Variants in ADD3 observed in about 807,000 individuals in gnomAD.
The protein encoded by ADD3 is adducin 3.
In ADD3, 25 loss-of-function variants were observed where a neutral mutation model predicts 80.2. That is an observed-to-expected ratio of 0.31 (90% CI 0.23 to 0.44). ADD3 has a LOEUF of 0.44. Among genes scored for constraint, ADD3 ranks in the 20% least tolerant of loss-of-function variants. ADD3 has a pLI of 1.00. For missense variants in ADD3, 829 were observed against 847.5 expected (o/e 0.98, Z 0.27); for synonymous variants, 284 against 289.6 (o/e 0.98, Z 0.20).
At chr10:110,029,334 T>A (rs1854707801) in intron 1 of ADD3, among the ~76,000 whole-genome samples, 1 of 152,226 alleles carries the variant, frequency 6.6e-6, no homozygotes, top group African/African-American at 2.4e-5. Flanking sequence ...CATCTCTAAA[T>A]GGAAGAAAAC....
chr10:110,028,156 T>C (rs570461858), intron 1 of ADD3, among the ~76,000 whole-genome samples: 1 of 152,362 alleles, frequency 6.6e-6, no homozygotes, highest in East Asian at 1.9e-4. Flanking sequence ...TGGTACATAG[T>C]AGGTGCTTAG....
chr10:110,121,038 A>G (rs1851428406), intron 8 of ADD3, among the ~76,000 whole-genome samples: 1 of 152,080 alleles, frequency 6.6e-6, no homozygotes, highest in African/African-American at 2.4e-5. Context: ...ACCTAAAACC[A>G]TAAAAACCTT....
chr10:110,094,929 A>C (rs926911378), intron 1 of ADD3, among the ~76,000 whole-genome samples: 2 of 152,238 alleles, frequency 1.3e-5, no homozygotes, highest in African/African-American at 2.4e-5. Context: ...TTGAAAGTAC[A>C]GCCATCTCTT....
chr10:110,132,305 A>G lies in ADD3; in HGVS notation c.1733A>G (p.Asp578Gly). The G allele has an allele frequency of 1.2e-6, 2 of 1,611,286 alleles. No homozygotes were observed. Among genetic ancestry groups the G allele is most frequent in the East Asian group, 2.2e-5 (1 of 44,860 alleles). The change falls in exon 14 of 15, where the codon GAT becomes GGT. Residue 578 changes from aspartate (D) to glycine (G), a missense_variant and splice_region_variant. Asp to Gly is a moderately conservative substitution (Grantham distance 94). Coordinates refer to ENST00000356080, the MANE Select transcript of ADD3 (RefSeq NM_016824.5). ...TTTTAACTAAACTCTTATCCAACAG[A>G]TGCTGAGCAGGAATTACTCTCAGAT... The part of the protein sequence containing the change: ...TIERKQQGLE[D>G]AEQELLSDDA...
intron 1 of ADD3, among the ~76,000 whole-genome samples, chr10:110,055,690 G>T (rs902711174): frequency 6.6e-5 from 10 of 152,290 alleles, no homozygotes; most frequent in African/African-American, 2.4e-4. Flanking sequence ...TAGTAACTCT[G>T]TGTCCTTGAG....
chr10:110,126,264 G>T (rs1852142949), intron 11 of ADD3, among the ~76,000 whole-genome samples, 153 bp from the exon 12 acceptor site: 1 of 152,180 alleles, frequency 6.6e-6, no homozygotes, highest in Non-Finnish European at 1.5e-5. Context: ...AATATGAGTT[G>T]TTAGGATGGT....
At chr10:110,096,364 C>G (rs902666052) in intron 1 of ADD3, among the ~76,000 whole-genome samples, 1 of 152,184 alleles carries the variant, frequency 6.6e-6, no homozygotes, top group African/African-American at 2.4e-5. Context: ...AATAGCCTCC[C>G]CACTGCCTAG....
chr10:110,062,300 A>G (rs1859019512), intron 1 of ADD3, among the ~76,000 whole-genome samples: 1 of 150,250 alleles, frequency 6.7e-6, no homozygotes, highest in Admixed American at 6.6e-5. Flanking sequence ...AGGCTGAGGC[A>G]GGAGAATGGC....
chr10:110,120,855 G>A (rs1031263072), intron 8 of ADD3, among the ~76,000 whole-genome samples: 13 of 152,014 alleles, frequency 8.6e-5, no homozygotes, highest in African/African-American at 2.7e-4. Context: ...ACATACCTAC[G>A]ACTAGCTGAT....
At chr10:110,120,205 C>A (rs1474371558) in intron 8 of ADD3, among the ~76,000 whole-genome samples, 1 of 142,436 alleles carries the variant, frequency 7.0e-6, no homozygotes, top group Non-Finnish European at 1.5e-5. Context: ...GGTATATCTC[C>A]CAATGCTATC....
intron 1 of ADD3, among the ~76,000 whole-genome samples, chr10:110,081,191 ATAT>A (rs539151854): frequency 9.2e-5 from 14 of 152,290 alleles, no homozygotes; most frequent in South Asian, 8.3e-4. Context: ...ATAATCTGAG[ATAT>A]TATTATTATT....
intron 1 of ADD3, among the ~76,000 whole-genome samples, chr10:110,011,115 T>C (rs1214043764): frequency 6.7e-6 from 1 of 150,130 alleles, no homozygotes; most frequent in African/African-American, 2.5e-5. Flanking sequence ...TTACCAGATA[T>C]GTAGGGCCCC....
rs748599425 is a variant in ADD3, at chr10:110,117,375, A to G, written c.520A>G (p.Ile174Val). Residue 174 changes from isoleucine (I) to valine (V), a missense_variant, in exon 5 of 15, where the codon ATA becomes GTA. Transcript: ENST00000356080. ...RISKEQDHII[I>V]IPRGLSFSEA... ...AAGTAAGGAGCAAGACCACATTATA[A>G]TAATTCCCAGAGGCCTATCTTTTTC... 5 of 1,607,100 alleles carry G rather than the reference A, an allele frequency of 3.1e-6. No individual in the cohort carries two copies. The highest frequency in any genetic ancestry group is 3.4e-6 in the Non-Finnish European group (4 of 1,173,904).
At chr10:110,066,581 C>G (rs1414317191) in intron 1 of ADD3, among the ~76,000 whole-genome samples, 2 of 151,490 alleles carry the variant, frequency 1.3e-5, no homozygotes, top group African/African-American at 2.4e-5. Flanking sequence ...ATTTTTTTTT[C>G]TTTCTTTTTG....
intron 1 of ADD3, among the ~76,000 whole-genome samples, chr10:110,087,309 G>A (rs1198133003): frequency 6.6e-6 from 1 of 152,186 alleles, no homozygotes; most frequent in Non-Finnish European, 1.5e-5. Context: ...TGGGATTACA[G>A]GCATGAGCTA....
At position 110,134,318 on chromosome 10, in the gene ADD3, G is replaced by GT. The variant is rs1166479551; in HGVS notation, c.*703dup. The GT allele has an allele frequency of 7.7e-6, 1 of 129,916 alleles. No homozygotes were observed. The highest frequency in any genetic ancestry group is 1.5e-5 in the Non-Finnish European group (1 of 64,872). 8.0% of individuals were successfully genotyped at this position (129,916 alleles called of 1,614,324 possible). A position where few individuals can be genotyped will look rare whatever the true frequency, so the allele number is the denominator to read the frequency against. On this transcript the variant is annotated 3_prime_UTR_variant, in exon 15 of 15. Coordinates refer to ENST00000356080, the MANE Select transcript of ADD3 (RefSeq NM_016824.5). ...TTGTACACATAACATGGGTTATTTA[G>GT]TTTAACTCTGGCAAAAAAAAAAAAA...
intron 1 of ADD3, among the ~76,000 whole-genome samples, chr10:110,027,399 C>A (rs1235195782): frequency 6.6e-6 from 1 of 151,928 alleles, no homozygotes; most frequent in Non-Finnish European, 1.5e-5. Context: ...AAAATGTGAG[C>A]CATATATGTA....
At chr10:110,002,746 A>C (rs1328655900), upstream of ADD3, among the ~76,000 whole-genome samples, 2 of 152,262 alleles carry the variant, frequency 1.3e-5, no homozygotes, top group Admixed American at 6.5e-5. Flanking sequence ...CTTAAAAAAA[A>C]AGAGGACCCT....
intron 1 of ADD3, among the ~76,000 whole-genome samples, chr10:110,068,209 G>T (rs530503632): frequency 2.2e-4 from 34 of 151,882 alleles, no homozygotes; most frequent in African/African-American, 7.7e-4. Flanking sequence ...TCCTTTTCCC[G>T]CTTCCACCGA....
Sources: allele counts gnomAD v4.1 joint callset (sites outside exome capture counted in the v4.1 genomes callset), GRCh38; gene constraint gnomAD v4.1.1; transcripts MANE v1.5; gene names NCBI Gene and HGNC (gene_info 2026-07-23, HGNC 2026-07-21).